The following ABCF1 variants were observed in gnomAD, a reference collection of about 807,000 sequenced individuals.
ABCF1 encodes ATP-binding cassette sub-family F member 1.
Under a neutral mutation model 126.3 loss-of-function variants are expected in ABCF1, and 73 were observed. That is an observed-to-expected ratio of 0.58 (90% CI 0.48 to 0.70). ABCF1 has a LOEUF of 0.70. ABCF1 is among the 30% of genes least tolerant of loss of function. The pLI is 0.00. For missense variants in ABCF1, 786 were observed against 1,057.5 expected, an observed-to-expected ratio of 0.74 and a Z score of 3.56; for synonymous variants, 345 against 396.4, an observed-to-expected ratio of 0.87 and a Z score of 1.54.
chr6:30,583,712 A>G lies in ABCF1; in HGVS notation c.1016+4A>G. 6.2e-7 allele frequency: 1 copy of G among 1,614,002 alleles called. No homozygotes were observed. The highest frequency in any genetic ancestry group is 1.7e-5 in the Admixed American group (1 of 59,998). On this transcript the variant is annotated splice_donor_region_variant and intron_variant, in intron 11 of 24. Coordinates refer to ENST00000326195, the MANE Select transcript of ABCF1 (RefSeq NM_001025091.2). The surrounding 1 kb of genome is among the most constrained non-coding windows in gnomAD (Gnocchi z 4.1). Reference sequence around the variant, plus strand: ...ACGGGCTGGTAGGACCCAATGGGTGAGAAGAGGAGGGAGCTGGAGGCAAAA... The same window carrying G: ...ACGGGCTGGTAGGACCCAATGGGTGGGAAGAGGAGGGAGCTGGAGGCAAAA...
rs781663400 is a variant in ABCF1, at chr6:30,580,536, G to A, written c.678+17G>A. ...GCAGAGCAGGTGTGTATTTGGTGTT[G>A]GGGCAAGGTGGAATGAGGGACTAGG... On this transcript the variant is annotated intron_variant, in intron 8 of 24. Coordinates refer to ENST00000326195, the MANE Select transcript of ABCF1 (RefSeq NM_001025091.2). 8 of 1,443,486 alleles carry A rather than the reference G, an allele frequency of 5.5e-6. No homozygotes were observed. The highest frequency in any genetic ancestry group is 6.4e-6 in the Non-Finnish European group (7 of 1,093,810). The allele number at this position is 1,443,486 out of a possible 1,614,324, so 89.4% of individuals were successfully genotyped here. A position where few individuals can be genotyped will look rare whatever the true frequency, so the allele number is the denominator to read the frequency against.
At position 30,580,445 on chromosome 6, in the gene ABCF1, G is replaced by C. The variant is rs764985527; in HGVS notation, c.604G>C (p.Asp202His). 1.3e-6 allele frequency: 2 copies of C among 1,537,276 alleles called. No individual in the cohort carries two copies. The highest frequency in any genetic ancestry group is 2.5e-5 in the Admixed American group (1 of 40,646). ...CGCTGCTCTGGACAATGAAGAGGAG[G>C]ATAAAGAAGAAGAAATTATAAAGGA... ...KFAALDNEEE[D>H]KEEEIIKEKE... The change falls in exon 8 of 25, where the codon GAT becomes CAT. Residue 202 changes from aspartate to histidine, a missense_variant. By Grantham distance (81) the Asp-to-His change is moderately conservative. This residue lies in a region of ABCF1 where 322 missense variants were observed against 322.9 expected (regional missense o/e 1.00). Transcript: ENST00000326195.
chr6:30,581,499 G>A (rs1038094101), intron 8 of ABCF1, among the ~76,000 whole-genome samples: 1 of 151,190 alleles, frequency 6.6e-6, no homozygotes, highest in East Asian at 1.9e-4. Flanking sequence ...TGCCTCCCGG[G>A]TTCAAGCAAT....
chr6:30,589,199 A>G (rs953078961), intron 20 of ABCF1, among the ~76,000 whole-genome samples: 2 of 151,848 alleles, frequency 1.3e-5, no homozygotes, highest in African/African-American at 2.4e-5. Context: ...GGGTTTCACA[A>G]TGTTGGCCAG....
At position 30,578,213 on chromosome 6, in the gene ABCF1, T is replaced by A; in HGVS notation, c.343+11T>A. The A allele has an allele frequency of 6.2e-7, 1 of 1,613,792 alleles. No individual in the cohort carries two copies. Among genetic ancestry groups the A allele is most frequent in the Non-Finnish European group, 8.5e-7 (1 of 1,179,890 alleles). ...ATGAGGAGGATGAAGGTAAATGACCTGAGGGGGAATGGGTACCTGGAATCC... is the reference window on the plus strand; with the variant it reads ...ATGAGGAGGATGAAGGTAAATGACCAGAGGGGGAATGGGTACCTGGAATCC... On this transcript the variant is annotated intron_variant, in intron 4 of 24. Coordinates refer to ENST00000326195, the MANE Select transcript of ABCF1 (RefSeq NM_001025091.2).
At chr6:30,587,175 G>A (rs1333213808) in intron 20 of ABCF1, among the ~76,000 whole-genome samples, 8 of 151,872 alleles carry the variant, frequency 5.3e-5, no homozygotes, top group Non-Finnish European at 1.0e-4. Flanking sequence ...GCTGGAACCT[G>A]GGAGGCGGGG....
In ABCF1 at chr6:30,578,391, C is replaced by A. The variant is rs1801626255; in HGVS notation, c.381+6C>A. On this transcript the variant is annotated splice_donor_region_variant and intron_variant, in intron 5 of 24. Transcript: ENST00000326195. ...GCGGAGGGAAGAAAACCAAGGTAAG[C>A]CATCTGTGTGGTAAACGGAGACTCC... 1.2e-6 allele frequency: 2 copies of A among 1,613,974 alleles called. No homozygotes were observed. The highest frequency in any genetic ancestry group is 2.7e-5 in the African/African-American group (2 of 74,880).
In ABCF1 at chr6:30,585,650, C is replaced by T. The variant is rs766504454; in HGVS notation, c.1568C>T (p.Ala523Val). Residue 523 changes from alanine (A) to valine (V), a missense_variant, in exon 16 of 25, where the codon GCC becomes GTC. Around this residue, in one of 4 missense-constraint regions of ABCF1, gnomAD observed 288 missense variants for 423.5 expected, o/e 0.68. Transcript: ENST00000326195. Reference protein sequence around the residue: ...DVCTDIIHLDAQRLHYYRGNY... With the variant: ...DVCTDIIHLDVQRLHYYRGNY... ...TGCACTGATATCATCCACCTCGATG[C>T]CCAGCGGCTCCACTACTATAGGGGC... 1.2e-6 allele frequency: 2 copies of T among 1,613,020 alleles called. No homozygotes were observed. The highest frequency in any genetic ancestry group is 1.7e-6 in the Non-Finnish European group (2 of 1,180,018).
At chr6:30,579,862 C>T (rs1172150534) in intron 6 of ABCF1, 69 bp from the exon 7 acceptor site, 4 of 1,508,378 alleles carry the variant, frequency 2.7e-6, no homozygotes, top group Admixed American at 3.5e-5. Context: ...TCTAGAAATG[C>T]TTATTACACA....
chr6:30,572,735 A>G (rs557726243), intron 1 of ABCF1, among the ~76,000 whole-genome samples: 2 of 152,324 alleles, frequency 1.3e-5, no homozygotes, highest in South Asian at 4.1e-4. Context: ...TCCTGGGCTC[A>G]AGTAATTCTC....
In ABCF1 at chr6:30,571,679, A is replaced by C. The variant is rs1409568780; in HGVS notation, c.73+119A>C. On this transcript the variant is annotated intron_variant, in intron 1 of 24. Coordinates refer to ENST00000326195, the MANE Select transcript of ABCF1 (RefSeq NM_001025091.2). Reference sequence around the variant, plus strand: ...CGGGCCCCTGCGGGAGTTACTGCGCATGCGTGCCGTGGGCCCGGGAGGAGT... The same window carrying C: ...CGGGCCCCTGCGGGAGTTACTGCGCCTGCGTGCCGTGGGCCCGGGAGGAGT... 3 of 1,134,982 alleles carry C rather than the reference A, an allele frequency of 2.6e-6. 1 individual carries two copies. The highest frequency in any genetic ancestry group is 3.8e-6 in the Non-Finnish European group (3 of 793,964). 70.3% of individuals were successfully genotyped at this position (1,134,982 alleles called of 1,614,324 possible).
chr6:30,590,456 A>C, intron 24 of ABCF1, 78 bp downstream of exon 24: 1 of 1,576,036 alleles, frequency 6.3e-7, no homozygotes, highest in South Asian at 1.2e-5. Context: ...AGAAGGGCCT[A>C]GGACTCCCTT....
chr6:30,577,637 T>C (rs1202584122), intron 2 of ABCF1, among the ~76,000 whole-genome samples, 181 bp from the exon 3 acceptor site: 1 of 151,840 alleles, frequency 6.6e-6, no homozygotes, highest in Non-Finnish European at 1.5e-5. Flanking sequence ...GGTGGGAGGA[T>C]AGCTTAAGCC....
chr6:30,571,550 G>A lies in ABCF1; in HGVS notation c.63G>A (p.Thr21=), dbSNP rs770916062. Residue 21 remains threonine (T), a synonymous_variant, in exon 1 of 25, where the codon ACG becomes ACA. Coordinates refer to ENST00000326195, the MANE Select transcript of ABCF1 (RefSeq NM_001025091.2). ...EPEWIGDGES[T]SPSDKVVKKG... The stretch of plus-strand genomic sequence containing the variant: ...AGTGGATCGGGGACGGAGAGAGCAC[G>A]AGCCCATCAGGTGAGGCTGGTAGGC... 3.1e-5 allele frequency: 50 copies of A among 1,609,992 alleles called. No homozygotes were observed. The highest frequency in any genetic ancestry group is 2.2e-5 in the East Asian group (1 of 44,838).
Position 30,586,033 on chromosome 6 carries a change from C to T in ABCF1, c.1713+42C>T. 1.3e-6 allele frequency: 2 copies of T among 1,592,414 alleles called. No homozygotes were observed. The highest frequency in any genetic ancestry group is 1.4e-5 in the African/African-American group (1 of 74,048). On this transcript the variant is annotated intron_variant, in intron 17 of 24. Coordinates refer to ENST00000326195, the MANE Select transcript of ABCF1 (RefSeq NM_001025091.2). This position sits in a 1 kb window ranked among gnomAD's most constrained non-coding sequence, Gnocchi z 4.9. ...CTTCTGGGCTGGGGGCCACTGTTCT[C>T]TCCTGGCAGTGGAGGAAGAAGGAGA... is the stretch of plus-strand genomic sequence containing the variant.
intron 1 of ABCF1, among the ~76,000 whole-genome samples, chr6:30,576,075 TAAAAA>T (rs35364261): frequency 0.032 from 3,809 of 120,776 alleles, 99 homozygotes; most frequent in African/African-American, 0.07. Context: ...CCCTGTCTCT[TAAAAA>T]AAAAAAAAAA....
Position 30,583,722 on chromosome 6 carries a change from G to T in ABCF1, c.1016+14G>T, listed in dbSNP as rs1300052793. On this transcript the variant is annotated intron_variant, in intron 11 of 24. Coordinates refer to ENST00000326195, the MANE Select transcript of ABCF1 (RefSeq NM_001025091.2). This position sits in a 1 kb window ranked among gnomAD's most constrained non-coding sequence, Gnocchi z 4.1. ...AGGACCCAATGGGTGAGAAGAGGAG[G>T]GAGCTGGAGGCAAAAAAGGGCCTGG... 1 of 1,613,898 alleles carries T rather than the reference G, an allele frequency of 6.2e-7. No individual in the cohort carries two copies. Among genetic ancestry groups the T allele is most frequent in the East Asian group, 2.2e-5 (1 of 44,884 alleles).
chr6:30,573,260 A>G (rs1801345744), intron 1 of ABCF1, among the ~76,000 whole-genome samples: 1 of 152,250 alleles, frequency 6.6e-6, no homozygotes, highest in Non-Finnish European at 1.5e-5. Flanking sequence ...TAAGGTTGAC[A>G]CTTAAGTAAC....
At chr6:30,579,106 C>T (rs1349794640) in intron 6 of ABCF1, among the ~76,000 whole-genome samples, 1 of 152,166 alleles carries the variant, frequency 6.6e-6, no homozygotes, top group African/African-American at 2.4e-5. Flanking sequence ...GGTCCTTGCT[C>T]TTCTACTTGT....
Sources: allele counts gnomAD v4.1 joint callset (sites outside exome capture counted in the v4.1 genomes callset), GRCh38; gene constraint gnomAD v4.1.1; regional missense constraint gnomAD v4.1.1; non-coding constraint Gnocchi (gnomAD v3.1); transcripts MANE v1.5; gene names NCBI Gene and HGNC (gene_info 2026-07-23, HGNC 2026-07-21).